The following NOSTRIN variants were observed in gnomAD, a reference collection of about 807,000 sequenced individuals.
NOSTRIN encodes nitric oxide synthase trafficking, also known as BM247 homolog.
NOSTRIN carries 63 observed loss-of-function variants against 59.0 expected under a neutral mutation model. That is an observed-to-expected ratio of 1.07 (90% CI 0.87 to 1.32). The LOEUF (loss-of-function observed/expected upper bound fraction) is 1.32. Ranked by LOEUF, NOSTRIN falls within the 40% of genes most tolerant of loss-of-function variation. NOSTRIN has a pLI of 0.00. For synonymous variants in NOSTRIN, 200 were observed against 165.4 expected (o/e 1.21, Z -1.61); for missense variants, 512 against 473.1 (o/e 1.08, Z -0.76).
At chr2:168,826,375 A>C (rs1687067178) in intron 3 of NOSTRIN, among the ~76,000 whole-genome samples, 1 of 152,216 alleles carries the variant, frequency 6.6e-6, no homozygotes, top group Admixed American at 6.5e-5. Context: ...AATCTGTGTT[A>C]GGTACTACAG....
chr2:168,855,297 G>A (rs1689012257), intron 10 of NOSTRIN, 55 bp from the exon 11 acceptor site: 2 of 879,990 alleles, frequency 2.3e-6, no homozygotes, highest in Admixed American at 2.3e-5. Context: ...AATGGACAGG[G>A]AATAGCAACT....
chr2:168,811,928 A>G lies in NOSTRIN; in HGVS notation c.113+276A>G, dbSNP rs1686159327. 1.2e-5 allele frequency: 3 copies of G among 259,642 alleles called. No individual in the cohort carries two copies. In the South Asian group the frequency reaches 2.8e-4, roughly 25 times the overall value. The allele number at this position is 259,642 out of a possible 1,614,324, so 16.1% of individuals were successfully genotyped here. On this transcript the variant is annotated intron_variant, in intron 2 of 15. Coordinates refer to ENST00000317647, the MANE Select transcript of NOSTRIN (RefSeq NM_001039724.4). The stretch of plus-strand genomic sequence containing the variant: ...GGTTTATTACCCTCTCCTGGGGCCC[A>G]CTGTTGGATCTGATGCATAGTCTCA...
chr2:168,788,629 A>T (rs1685265256), intron 2 of NOSTRIN, among the ~76,000 whole-genome samples: 3 of 152,150 alleles, frequency 2.0e-5, no homozygotes, highest in Admixed American at 1.3e-4. Context: ...TCAGAGTGGA[A>T]GCAGTGGGAG....
intron 2 of NOSTRIN, among the ~76,000 whole-genome samples, chr2:168,815,732 G>T (rs1686361905): frequency 6.6e-6 from 1 of 152,164 alleles, no homozygotes; most frequent in Non-Finnish European, 1.5e-5. Context: ...TTACAAATGT[G>T]CAGTACTAGG....
intron 13 of NOSTRIN, 103 bp from the exon 14 acceptor site, chr2:168,860,692 A>G: frequency 1.3e-6 from 1 of 749,616 alleles, no homozygotes; most frequent in South Asian, 1.9e-5. Context: ...GAAAAAACAA[A>G]CAGAAAAAAC....
intron 7 of NOSTRIN, among the ~76,000 whole-genome samples, chr2:168,836,198 G>A (rs188844322): frequency 2.0e-5 from 3 of 152,358 alleles, no homozygotes; most frequent in Non-Finnish European, 4.4e-5. Flanking sequence ...CTTCCGAAGA[G>A]GCGAACCCAG....
chr2:168,830,170 C>T (rs1687284703), intron 5 of NOSTRIN, among the ~76,000 whole-genome samples: 3 of 152,174 alleles, frequency 2.0e-5, no homozygotes, highest in Non-Finnish European at 1.5e-5. Context: ...ATATTTTTCA[C>T]ACTGCATAAT....
At chr2:168,859,317 TA>T in intron 12 of NOSTRIN, 194 bp from the exon 13 acceptor site, 2 of 710,548 alleles carry the variant, frequency 2.8e-6, no homozygotes, top group Non-Finnish European at 4.3e-6. Flanking sequence ...ACTCAACAAC[TA>T]AAACCTCCCT....
chr2:168,788,891 AAAG>A (rs1685271914), intron 2 of NOSTRIN, among the ~76,000 whole-genome samples: 1 of 129,576 alleles, frequency 7.7e-6, no homozygotes, highest in African/African-American at 2.9e-5. Context: ...ACACAGATAA[AAAG>A]ATAGATAGAT....
At chr2:168,859,864 A>T (rs889623277) in intron 13 of NOSTRIN, among the ~76,000 whole-genome samples, 4 of 152,174 alleles carry the variant, frequency 2.6e-5, no homozygotes, top group Non-Finnish European at 5.9e-5. Flanking sequence ...AAGCTAAAAA[A>T]CACTTTTGAT....
At chr2:168,809,631 C>G (rs960847738) in intron 1 of NOSTRIN, among the ~76,000 whole-genome samples, 62 of 151,528 alleles carry the variant, frequency 4.1e-4, no homozygotes, top group African/African-American at 1.4e-3. Flanking sequence ...TTTGAAAATA[C>G]TCCCTTAAAC....
intron 7 of NOSTRIN, among the ~76,000 whole-genome samples, chr2:168,836,298 A>C (rs540899875): frequency 1.5e-3 from 229 of 152,350 alleles, no homozygotes; most frequent in Non-Finnish European, 2.8e-3. Flanking sequence ...AATAATAAAG[A>C]AAAAAGCATG....
At chr2:168,834,718 A>G (rs1291472697) in intron 7 of NOSTRIN, among the ~76,000 whole-genome samples, 2 of 151,992 alleles carry the variant, frequency 1.3e-5, no homozygotes, top group African/African-American at 4.8e-5. Context: ...AAAAAATATT[A>G]TTGACAGATG....
At chr2:168,813,972 G>A (rs1045655152) in intron 2 of NOSTRIN, among the ~76,000 whole-genome samples, 3 of 152,028 alleles carry the variant, frequency 2.0e-5, no homozygotes, top group Non-Finnish European at 2.9e-5. Context: ...GTGTCTCCTC[G>A]TCTTGAGCTT....
intron 14 of NOSTRIN, 100 bp from the exon 15 acceptor site, chr2:168,861,860 A>T: frequency 9.3e-7 from 1 of 1,072,726 alleles, no homozygotes; most frequent in South Asian, 1.5e-5. Flanking sequence ...AATTTAATAT[A>T]TTGAAACTCT....
At chr2:168,799,120 G>A (rs968836171), upstream of NOSTRIN, among the ~76,000 whole-genome samples, 1 of 152,148 alleles carries the variant, frequency 6.6e-6, no homozygotes, top group African/African-American at 2.4e-5. Flanking sequence ...AAACAACTCA[G>A]GAGCTTCCTC....
chr2:168,849,472 C>T (rs1032979028), intron 8 of NOSTRIN, among the ~76,000 whole-genome samples: 8 of 152,036 alleles, frequency 5.3e-5, no homozygotes. Flanking sequence ...TCTCCTGCCT[C>T]AGCCTCCTGA....
intron 2 of NOSTRIN, among the ~76,000 whole-genome samples, chr2:168,812,564 T>C (rs1686198454): frequency 6.6e-6 from 1 of 152,198 alleles, no homozygotes; most frequent in Non-Finnish European, 1.5e-5. Flanking sequence ...AGTTCAAAAG[T>C]ATTTCTCTCT....
rs535227677 is a variant in NOSTRIN, at chr2:168,788,721, G to A, written c.-473+673G>A. On this transcript the variant is annotated intron_variant, in intron 2 of 20. Transcript: ENST00000458381. ...GCCAGTTTCTCACTGCTGGAAAAGG[G>A]AGGTGTAAATATGGAGGAAGAGAAA... Among the ~76,000 whole-genome samples the A allele has an allele frequency of 2.1e-4, 32 of 152,284 alleles. 1 individual carries two copies. The South Asian group carries it at 6.4e-3, about 31-fold the overall frequency.
Sources: allele counts gnomAD v4.1 joint callset (sites outside exome capture counted in the v4.1 genomes callset), GRCh38; gene constraint gnomAD v4.1.1; transcripts MANE v1.5; gene names NCBI Gene and HGNC (gene_info 2026-07-23, HGNC 2026-07-21).